FUT8: variants seen among roughly 807,000 people sequenced by gnomAD.
FUT8 encodes the protein fucosyltransferase 8, also known as alpha-(1,6)-fucosyltransferase.
In FUT8, 29 loss-of-function variants were observed where a neutral mutation model predicts 71.3. That is an observed-to-expected ratio of 0.41 (90% confidence interval 0.30 to 0.55). FUT8 has a LOEUF of 0.55. Among genes scored for constraint, FUT8 ranks in the 20% least tolerant of loss-of-function variants. The pLI is 0.34. For missense variants in FUT8, 544 were observed against 702.1 expected, an observed-to-expected ratio of 0.77 and a Z score of 2.55; for synonymous variants, 254 against 239.3, an observed-to-expected ratio of 1.06 and a Z score of -0.57.
intron 6 of FUT8, among the ~76,000 whole-genome samples, chr14:65,639,486 TGTGA>T (rs1890726733): frequency 6.8e-6 from 1 of 146,386 alleles, no homozygotes. Flanking sequence ...TTAAACTTCC[TGTGA>T]GTATTGTCTT....
At chr14:65,692,875 C>T (rs201986323) in intron 7 of FUT8, among the ~76,000 whole-genome samples, 18,615 of 148,412 alleles carry the variant, frequency 0.13, 1,426 homozygotes, top group East Asian at 0.38. Flanking sequence ...GACGGGGTGG[C>T]GGGGCAGAGG....
At chr14:65,495,589 CTATT>C (rs1209005033) in intron 2 of FUT8, among the ~76,000 whole-genome samples, 4 of 152,024 alleles carry the variant, frequency 2.6e-5, no homozygotes, top group Non-Finnish European at 5.9e-5. Context: ...AAAATCTTAG[CTATT>C]TGTAGGGTTT....
Position 65,456,751 on chromosome 14 carries a change from T to G in FUT8, c.-228+1033T>G, listed in dbSNP as rs558811854. Among the ~76,000 whole-genome samples the G allele has an allele frequency of 4.0e-5, 6 of 151,788 alleles. No individual in the cohort carries two copies. In the South Asian group the frequency reaches 1.3e-3, roughly 32 times the overall value. On this transcript the variant is annotated intron_variant, in intron 2 of 10. Transcript: ENST00000673929. The stretch of plus-strand genomic sequence containing the variant: ...AGTTGGGTGTGGTGGTTCACGTCTG[T>G]AGTCCCAGCTATTTGGGAGGCCGAG...
intron 1 of FUT8, among the ~76,000 whole-genome samples, chr14:65,445,438 C>T (rs1038026034): frequency 6.6e-6 from 1 of 152,044 alleles, no homozygotes; most frequent in Non-Finnish European, 1.5e-5. Flanking sequence ...TATGGCAGCA[C>T]AAAATGGACC....
the FUT8 span, among the ~76,000 whole-genome samples, chr14:65,391,715 T>C: frequency 6.6e-6 from 1 of 150,980 alleles, no homozygotes; most frequent in Non-Finnish European, 1.5e-5. Flanking sequence ...CTCGAACTCC[T>C]GACCTCAAGT....
rs778891961 is a variant in FUT8 at position 65,601,903 on chromosome 14, A to G, written c.204-14075A>G. On this transcript the variant is annotated intron_variant, in intron 3 of 10. Coordinates refer to ENST00000673929, the MANE Select transcript of FUT8 (RefSeq NM_001371533.1). Reference sequence around the variant, plus strand: ...ATTGAACAAGTATTGATATTTTGCCATATTTGCTTCAGATTGCTAGAATAA... The same window carrying G: ...ATTGAACAAGTATTGATATTTTGCCGTATTTGCTTCAGATTGCTAGAATAA... Among the ~76,000 whole-genome samples the G allele has an allele frequency of 2.6e-5, 4 of 152,130 alleles. No homozygotes were observed. The South Asian group carries it at 8.3e-4, about 31-fold the overall frequency.
Position 65,732,085 on chromosome 14 carries a change from G to A in FUT8, c.1260-1146G>A, listed in dbSNP as rs74056815. On this transcript the variant is annotated intron_variant, in intron 9 of 10. Coordinates refer to ENST00000673929, the MANE Select transcript of FUT8 (RefSeq NM_001371533.1). ...ACTATTTCTGGTTGTTTTCTTTTCC[G>A]AACAAATGTGACATTTTCTTCATCT... is the stretch of plus-strand genomic sequence containing the variant. Among the ~76,000 whole-genome samples the A allele has an allele frequency of 8.1e-3, 1,235 of 152,148 alleles. 10 individuals carry two copies. Among genetic ancestry groups the A allele is most frequent in the African/African-American group, 0.025 (1,029 of 41,484 alleles).
rs569586828 is a variant in FUT8 at position 65,576,047 on chromosome 14, A to G, written c.203+14281A>G. ...TCACAACTATTCAAATGTAAATTAA[A>G]TTTGACTTTCTCCTCACTACAAATC... On this transcript the variant is annotated intron_variant, in intron 3 of 10. Transcript: ENST00000673929. Among the ~76,000 whole-genome samples the G allele has an allele frequency of 2.6e-5, 4 of 152,326 alleles. No homozygotes were observed. The South Asian group carries it at 8.3e-4, about 32-fold the overall frequency.
At chr14:65,694,891 T>G (rs1341075408) in intron 7 of FUT8, among the ~76,000 whole-genome samples, 3 of 91,826 alleles carry the variant, frequency 3.3e-5, no homozygotes, top group Admixed American at 1.6e-4. Context: ...TGGGGACTGT[T>G]GTGGGGTGGG....
At chr14:65,475,494 CT>C (rs1317203576) in intron 2 of FUT8, among the ~76,000 whole-genome samples, 1 of 152,102 alleles carries the variant, frequency 6.6e-6, no homozygotes, top group Middle Eastern at 3.2e-3. Context: ...AATCCCAGCA[CT>C]TTTGAAGGTA....
At chr14:65,598,438 G>C (rs1392415995) in intron 3 of FUT8, among the ~76,000 whole-genome samples, 1 of 152,118 alleles carries the variant, frequency 6.6e-6, no homozygotes, top group East Asian at 1.9e-4. Flanking sequence ...GGCCAGGCTG[G>C]TCTCGAACTC....
intron 3 of FUT8, among the ~76,000 whole-genome samples, chr14:65,604,732 A>G (rs1426372622): frequency 6.6e-6 from 1 of 151,868 alleles, no homozygotes; most frequent in Non-Finnish European, 1.5e-5. Flanking sequence ...CCCAAACCCA[A>G]CAGAAGAAAG....
intron 3 of FUT8, among the ~76,000 whole-genome samples, chr14:65,581,587 G>C (rs1887088799): frequency 6.6e-6 from 1 of 152,042 alleles, no homozygotes; most frequent in South Asian, 2.1e-4. Context: ...CTTGAAAGAA[G>C]AATGTAAATA....
intron 3 of FUT8, among the ~76,000 whole-genome samples, chr14:65,569,034 TA>T (rs1052841801): frequency 1.3e-5 from 2 of 151,874 alleles, no homozygotes; most frequent in Admixed American, 1.3e-4. Flanking sequence ...CAGTAATTTT[TA>T]AAAGCATTTA....
chr14:65,450,958 G>A (rs958617143), intron 1 of FUT8, among the ~76,000 whole-genome samples: 1 of 151,566 alleles, frequency 6.6e-6, no homozygotes, highest in African/African-American at 2.4e-5. Context: ...CCAGGTTCAC[G>A]CCATTCTCCT....
chr14:65,468,678 G>T (rs1309921427), intron 2 of FUT8, among the ~76,000 whole-genome samples: 1 of 151,946 alleles, frequency 6.6e-6, no homozygotes, highest in Non-Finnish European at 1.5e-5. Context: ...ATCTTGCTTG[G>T]TGTTCTCTGA....
At chr14:65,584,120 C>T (rs1887242423) in intron 3 of FUT8, among the ~76,000 whole-genome samples, 1 of 151,610 alleles carries the variant, frequency 6.6e-6, no homozygotes, top group South Asian at 2.1e-4. Flanking sequence ...GTGATCCGCC[C>T]GCCTCTACCT....
chr14:65,640,602 A>C (rs958248709), intron 6 of FUT8, among the ~76,000 whole-genome samples: 1 of 152,110 alleles, frequency 6.6e-6, no homozygotes, highest in Non-Finnish European at 1.5e-5. Flanking sequence ...GAATAACATC[A>C]TATTTGTGTT....
rs568143613 is a variant in FUT8, at chr14:65,669,736, C to T, written c.835+256C>T. The stretch of plus-strand genomic sequence containing the variant: ...TTTTTTTCAGGGAGCATAATTTAAT[C>T]TTTTAATAATAATGATATGACTTTC... On this transcript the variant is annotated intron_variant, in intron 7 of 10. Transcript: ENST00000673929. This position sits in a 1 kb window ranked among gnomAD's most constrained non-coding sequence, Gnocchi z 4.5. 1.3e-5 allele frequency among the ~76,000 whole-genome samples: 2 copies of T among 152,102 alleles called. No homozygotes were observed. The highest frequency in any genetic ancestry group is 1.9e-4 in the East Asian group (1 of 5,184).
Sources: gnomAD v4.1 joint callset for allele counts (sites outside exome capture counted in the v4.1 genomes callset) on GRCh38, gnomAD v4.1.1 for gene constraint, Gnocchi (gnomAD v3.1) non-coding constraint, MANE v1.5 for transcripts, NCBI Gene and HGNC (gene_info 2026-07-23, HGNC 2026-07-21) for gene names.